The following ELP2 variants were observed in gnomAD, a reference collection of about 807,000 sequenced individuals.
ELP2 encodes the protein elongator complex protein 2.
A neutral mutation model predicts 119.2 loss-of-function variants in ELP2; 90 were observed. The ratio of observed to expected loss-of-function variants is 0.75; its 90% CI spans 0.64 to 0.90. ELP2 has a LOEUF of 0.90. Among genes scored for constraint, ELP2 ranks in the 40% least tolerant of loss-of-function variants. The pLI is 0.00. For missense variants in ELP2, 921 were observed against 967.8 expected (o/e 0.95, Z 0.64); for synonymous variants, 339 against 331.0 (o/e 1.02, Z -0.26).
Position 36,160,075 on chromosome 18 carries a change from C to T in ELP2, c.1688+60C>T, listed in dbSNP as rs1555643970. The T allele has an allele frequency of 1.0e-5, 15 of 1,504,966 alleles. No individual in the cohort carries two copies. In the South Asian group the frequency reaches 1.6e-4, roughly 16 times the overall value. 93.2% of individuals were successfully genotyped at this position (1,504,966 alleles called of 1,614,324 possible). On this transcript the variant is annotated intron_variant, in intron 16 of 21. Coordinates refer to ENST00000358232, the MANE Select transcript of ELP2 (RefSeq NM_018255.4). ...TCTGTCGTAACTTCTGACTTTTCCTCCCCACCCCACAATCTGATGTCTCCT... is the reference window on the plus strand; with the variant it reads ...TCTGTCGTAACTTCTGACTTTTCCTTCCCACCCCACAATCTGATGTCTCCT...
At chr18:36,139,400 A>G in intron 5 of ELP2, 1 of 1,534,256 alleles carries the variant, frequency 6.5e-7, no homozygotes, top group Non-Finnish European at 8.7e-7. Context: ...TGAGTGAGTC[A>G]GCCTCTTTGC....
intron 2 of ELP2, among the ~76,000 whole-genome samples, chr18:36,134,495 C>T (rs1265410384): frequency 2.0e-5 from 3 of 152,096 alleles, no homozygotes; most frequent in Non-Finnish European, 4.4e-5. Flanking sequence ...GGTTTTTCCC[C>T]ATCAAAATGT....
rs184955852 is a variant in ELP2, at chr18:36,133,216, A to G, written c.139-22A>G. On this transcript the variant is annotated intron_variant, in intron 1 of 21. Transcript: ENST00000358232. ...TCTGTAGGATAAATTCCAGTTTACT[A>G]ACTGTATTTTCTTCTCTAAAGAAAA... 1.9e-6 allele frequency: 3 copies of G among 1,542,840 alleles called. No homozygotes were observed. The African/African-American group carries it at 4.1e-5, about 21-fold the overall frequency.
chr18:36,130,254 T>C (rs1331728697), intron 1 of ELP2, among the ~76,000 whole-genome samples, 183 bp downstream of exon 1: 1 of 152,286 alleles, frequency 6.6e-6, no homozygotes, highest in South Asian at 2.1e-4. Context: ...CCCTCACCCT[T>C]TGCCGTCTCA....
In ELP2 at chr18:36,180,421, T is replaced by A. The variant is rs1372991466; in HGVS notation, c.*5780T>A. 1 of 152,108 alleles carries A rather than the reference T, an allele frequency of 6.6e-6. No individual in the cohort carries two copies. The highest frequency in any genetic ancestry group is 1.5e-5 in the Non-Finnish European group (1 of 68,024). 9.4% of individuals were successfully genotyped at this position (152,108 alleles called of 1,614,324 possible). On this transcript the variant is annotated 3_prime_UTR_variant, in exon 22 of 22. Transcript: ENST00000358232. ...AGAAAGGGAGAACAACAGTAACCAG[T>A]GTGTAGGATTGTTCTGAGAATTAAA...
intron 7 of ELP2, 21 bp downstream of exon 7, chr18:36,142,368 A>C (rs763535947): frequency 1.3e-6 from 2 of 1,596,010 alleles, no homozygotes; most frequent in Non-Finnish European, 1.7e-6. Flanking sequence ...AATTTTGCTA[A>C]TGCACATACA....
intron 11 of ELP2, among the ~76,000 whole-genome samples, chr18:36,149,471 G>GTTTTTTT (rs1457178336): frequency 1.9e-4 from 13 of 66,964 alleles, no homozygotes; most frequent in African/African-American, 5.2e-4. Context: ...TAGTTGCAGG[G>GTTTTTTT]TTTTTTGTTT....
At chr18:36,157,119 C>T (rs1212142171) in intron 13 of ELP2, among the ~76,000 whole-genome samples, 5 of 152,046 alleles carry the variant, frequency 3.3e-5, no homozygotes, top group Non-Finnish European at 4.4e-5. Context: ...ATTGGAATAA[C>T]GAGAACATGT....
At chr18:36,155,201 T>C (rs1598795413) in intron 12 of ELP2, among the ~76,000 whole-genome samples, 1 of 148,834 alleles carries the variant, frequency 6.7e-6, no homozygotes, top group Non-Finnish European at 1.5e-5. Flanking sequence ...TTAGTAGAGA[T>C]GGGGTTTCAC....
chr18:36,161,520 A>G (rs1273034253), intron 17 of ELP2, among the ~76,000 whole-genome samples: 1 of 151,968 alleles, frequency 6.6e-6, no homozygotes, highest in African/African-American at 2.4e-5. Context: ...TTTTGAGGAC[A>G]CTCTTGGCAC....
chr18:36,130,641 G>A (rs960123068), intron 1 of ELP2, among the ~76,000 whole-genome samples: 1 of 152,192 alleles, frequency 6.6e-6, no homozygotes, highest in Non-Finnish European at 1.5e-5. Context: ...ACTTCACCCA[G>A]TCAGTTGGTT....
intron 21 of ELP2, among the ~76,000 whole-genome samples, chr18:36,171,478 A>C (rs192681134): frequency 6.6e-6 from 1 of 152,274 alleles, no homozygotes; most frequent in Non-Finnish European, 1.5e-5. Flanking sequence ...TTTGATTCAA[A>C]ATGTTTGTGA....
intron 11 of ELP2, among the ~76,000 whole-genome samples, chr18:36,152,966 T>G (rs982645409): frequency 6.6e-6 from 1 of 152,226 alleles, no homozygotes; most frequent in Non-Finnish European, 1.5e-5. Flanking sequence ...ACTACCTTCT[T>G]GGTAACCACA....
chr18:36,163,274 G>GC, intron 17 of ELP2, among the ~76,000 whole-genome samples: 1 of 147,290 alleles, frequency 6.8e-6, no homozygotes, highest in East Asian at 2.0e-4. Context: ...AGTTCATGGG[G>GC]GGTGTGTGTG....
At chr18:36,170,899 G>A (rs1012418180) in intron 20 of ELP2, 148 bp from the exon 21 acceptor site, 3 of 696,892 alleles carry the variant, frequency 4.3e-6, no homozygotes, top group Non-Finnish European at 5.3e-6. Flanking sequence ...ACACAGGAGA[G>A]CAGTGCAGCA....
chr18:36,161,353 A>G (rs2090734061), intron 17 of ELP2, among the ~76,000 whole-genome samples: 1 of 152,192 alleles, frequency 6.6e-6, no homozygotes, highest in African/African-American at 2.4e-5. Context: ...AGATCGCGCC[A>G]CTGCACTCCA....
At chr18:36,146,860 C>G (rs2090220649) in intron 11 of ELP2, among the ~76,000 whole-genome samples, 1 of 152,214 alleles carries the variant, frequency 6.6e-6, no homozygotes, top group East Asian at 1.9e-4. Flanking sequence ...AGTCTTCTCC[C>G]TTTAGTCATG....
chr18:36,133,396 C>T (rs2089706340), intron 2 of ELP2, 80 bp downstream of exon 2: 4 of 997,520 alleles, frequency 4.0e-6, no homozygotes, highest in African/African-American at 1.6e-5. Context: ...CTCATCACTT[C>T]TCTTAATTTA....
At chr18:36,137,368 G>C (rs146337126) in intron 3 of ELP2, 2 of 152,252 alleles carry the variant, frequency 1.3e-5, no homozygotes, top group Non-Finnish European at 2.9e-5. Context: ...GAAGTCAAAG[G>C]CTAATGATTC....
Sources: allele counts gnomAD v4.1 joint callset (sites outside exome capture counted in the v4.1 genomes callset), GRCh38; gene constraint gnomAD v4.1.1; transcripts MANE v1.5; gene names NCBI Gene and HGNC (gene_info 2026-07-23, HGNC 2026-07-21).